Variants in CAMK1D observed in about 807,000 individuals in gnomAD.
CAMK1D encodes the protein calcium/calmodulin-dependent protein kinase type 1D.
In CAMK1D, 9 loss-of-function variants were observed where a neutral mutation model predicts 47.7. The observed-to-expected ratio is 0.19, with a 90% CI of 0.11 to 0.33. The LOEUF (loss-of-function observed/expected upper bound fraction) is 0.33, where lower values mean the gene tolerates loss of function less well. CAMK1D is among the 10% of genes least tolerant of loss of function. CAMK1D has a pLI of 1.00. For missense variants in CAMK1D, 291 were observed against 488.7 expected (o/e 0.60, Z 3.81); for synonymous variants, 184 against 184.9 (o/e 0.99, Z 0.04).
chr10:12,609,669 C>A (rs574942148), intron 2 of CAMK1D, among the ~76,000 whole-genome samples: 1 of 152,124 alleles, frequency 6.6e-6, no homozygotes, highest in Admixed American at 6.6e-5. Flanking sequence ...GGCGGTGATG[C>A]GGGTGATGGG....
chr10:12,463,689 G>A (rs1833505159), intron 1 of CAMK1D, among the ~76,000 whole-genome samples: 1 of 151,522 alleles, frequency 6.6e-6, no homozygotes, highest in African/African-American at 2.4e-5. Flanking sequence ...GAGTTGAAGG[G>A]GCTGATGTGT....
At chr10:12,797,379 A>AAACAC (rs1213189732) in intron 6 of CAMK1D, among the ~76,000 whole-genome samples, 1 of 152,002 alleles carries the variant, frequency 6.6e-6, no homozygotes, top group Non-Finnish European at 1.5e-5. Flanking sequence ...AAACAAAACA[A>AAACAC]AACACAACAA....
intron 1 of CAMK1D, among the ~76,000 whole-genome samples, chr10:12,519,504 A>T (rs1475288825): frequency 8.3e-4 from 1 of 1,202 alleles, no homozygotes; most frequent in Non-Finnish European, 2.1e-3. Context: ...TGACCCCCCC[A>T]CCTCCCTCCC....
Position 12,694,571 on chromosome 10 carries a change from T to A in CAMK1D, c.299+27761T>A, listed in dbSNP as rs540979800. Among the ~76,000 whole-genome samples, 435 of 82,392 alleles carry A rather than the reference T, an allele frequency of 5.3e-3. 5 individuals are homozygous for A. The highest frequency in any genetic ancestry group is 0.02 in the African/African-American group (420 of 21,252). The allele number at this position is 82,392 out of a possible 152,430, so 54.1% of individuals were successfully genotyped here. A position where few individuals can be genotyped will look rare whatever the true frequency, so the allele number is the denominator to read the frequency against. The stretch of plus-strand genomic sequence containing the variant: ...TATATTATATATAAAATATATAATA[T>A]ATAAAAATATATCATATATAAATAT... On this transcript the variant is annotated intron_variant, in intron 3 of 10. Coordinates refer to ENST00000619168, the MANE Select transcript of CAMK1D (RefSeq NM_153498.4).
At chr10:12,468,985 T>C (rs1487711609) in intron 1 of CAMK1D, among the ~76,000 whole-genome samples, 1 of 152,190 alleles carries the variant, frequency 6.6e-6, no homozygotes, top group Non-Finnish European at 1.5e-5. Flanking sequence ...CTCAGCAGTC[T>C]ACATAGCGTC....
intron 3 of CAMK1D, among the ~76,000 whole-genome samples, chr10:12,740,194 C>T (rs752058022): frequency 6.6e-5 from 10 of 152,234 alleles, no homozygotes; most frequent in Non-Finnish European, 1.0e-4. Context: ...GGTGTAGCTG[C>T]GTGGAAAGGC....
intron 3 of CAMK1D, among the ~76,000 whole-genome samples, chr10:12,715,361 A>G (rs1234067400): frequency 6.6e-6 from 1 of 152,212 alleles, no homozygotes; most frequent in Admixed American, 6.5e-5. Context: ...CTACTGCGAT[A>G]TCTTCATTTC....
chr10:12,364,836 G>T (rs997616401), intron 1 of CAMK1D, among the ~76,000 whole-genome samples: 1 of 152,138 alleles, frequency 6.6e-6, no homozygotes, highest in East Asian at 1.9e-4. Flanking sequence ...TCCTGACTTA[G>T]ACTTTTAGGA....
intron 1 of CAMK1D, among the ~76,000 whole-genome samples, chr10:12,454,671 C>T (rs1833189732): frequency 6.6e-6 from 1 of 151,854 alleles, no homozygotes; most frequent in African/African-American, 2.4e-5. Flanking sequence ...CTGTGTTCCC[C>T]AGGCTGGTCT....
chr10:12,511,437 C>CA (rs920663990), intron 1 of CAMK1D, among the ~76,000 whole-genome samples: 21 of 150,702 alleles, frequency 1.4e-4, no homozygotes, highest in South Asian at 1.1e-3. Flanking sequence ...CCTGTCTCTA[C>CA]AAAAAAAAAT....
At chr10:12,574,384 C>A (rs1837424975) in intron 2 of CAMK1D, among the ~76,000 whole-genome samples, 1 of 151,588 alleles carries the variant, frequency 6.6e-6, no homozygotes, top group African/African-American at 2.4e-5. Context: ...TCACTGCAAC[C>A]TCTGCTTCCT....
intron 1 of CAMK1D, among the ~76,000 whole-genome samples, chr10:12,508,728 C>T (rs1237734481): frequency 6.6e-6 from 1 of 152,196 alleles, no homozygotes; most frequent in Non-Finnish European, 1.5e-5. Context: ...ACTAAACTCC[C>T]CATCCTGAGG....
At chr10:12,551,204 C>G (rs1236786924) in intron 1 of CAMK1D, among the ~76,000 whole-genome samples, 1 of 152,244 alleles carries the variant, frequency 6.6e-6, no homozygotes, top group Non-Finnish European at 1.5e-5. Context: ...ACGTTACCGC[C>G]TGAGCTCTGC....
intron 1 of CAMK1D, among the ~76,000 whole-genome samples, chr10:12,518,474 T>TAAGATTGGTAATTTGTGTTCTC (rs143898569): frequency 1.2e-4 from 12 of 98,662 alleles, no homozygotes; most frequent in South Asian, 4.5e-4. Flanking sequence ...TATTCATTCT[T>TAAGATTGGTAATTTGTGTTCTC]TTTTTATTTT....
At chr10:12,619,189 A>G (rs914744022) in intron 2 of CAMK1D, among the ~76,000 whole-genome samples, 1 of 152,194 alleles carries the variant, frequency 6.6e-6, no homozygotes, top group African/African-American at 2.4e-5. Context: ...AACTGTTCCA[A>G]TTTCACAGTA....
intron 1 of CAMK1D, among the ~76,000 whole-genome samples, chr10:12,524,478 C>T (rs560803124): frequency 2.3e-4 from 35 of 151,952 alleles, no homozygotes; most frequent in Middle Eastern, 3.4e-3. Flanking sequence ...GAGGCTGAGG[C>T]GGGCGGATCA....
intron 1 of CAMK1D, among the ~76,000 whole-genome samples, chr10:12,485,947 C>T (rs1295703545): frequency 6.6e-6 from 1 of 152,140 alleles, no homozygotes; most frequent in South Asian, 2.1e-4. Flanking sequence ...CCATGTCACC[C>T]AGACGGCCTG....
At chr10:12,652,026 G>T (rs1056518101) in intron 2 of CAMK1D, among the ~76,000 whole-genome samples, 1 of 151,874 alleles carries the variant, frequency 6.6e-6, no homozygotes, top group African/African-American at 2.4e-5. Flanking sequence ...TGATCTGCCC[G>T]CCTCGGCCTC....
chr10:12,663,344 G>A (rs537901968), intron 2 of CAMK1D, among the ~76,000 whole-genome samples: 1 of 152,252 alleles, frequency 6.6e-6, no homozygotes, highest in South Asian at 2.1e-4. Flanking sequence ...CTAGAGTCTG[G>A]ACAAATGAGT....
Sources: allele counts gnomAD v4.1 joint callset (sites outside exome capture counted in the v4.1 genomes callset), GRCh38; gene constraint gnomAD v4.1.1; transcripts MANE v1.5; gene names NCBI Gene and HGNC (gene_info 2026-07-23, HGNC 2026-07-21).